The following TENM4 variants were observed in gnomAD, a reference collection of about 807,000 sequenced individuals.
TENM4 encodes the protein teneurin transmembrane protein 4.
A neutral mutation model predicts 243.3 loss-of-function variants in TENM4; 82 were observed. The ratio of observed to expected loss-of-function variants is 0.34; its 90% CI spans 0.28 to 0.40. TENM4 has a LOEUF of 0.40. Ranked by LOEUF, TENM4 falls within the 10% of genes least tolerant of loss-of-function variation. TENM4 has a pLI of 1.00. For missense variants in TENM4, 3,138 were observed against 3,673.3 expected, an observed-to-expected ratio of 0.85 and a Z score of 3.77; for synonymous variants, 1,412 against 1,456.3, an observed-to-expected ratio of 0.97 and a Z score of 0.69.
At chr11:79,051,494 A>G (rs1010169433) in intron 6 of TENM4, among the ~76,000 whole-genome samples, 9 of 152,204 alleles carry the variant, frequency 5.9e-5, no homozygotes, top group Non-Finnish European at 1.0e-4. Context: ...TCATTCACTC[A>G]AGTAGTTCTA....
chr11:78,943,480 A>G (rs996403651), intron 6 of TENM4, among the ~76,000 whole-genome samples: 1 of 152,104 alleles, frequency 6.6e-6, no homozygotes, highest in South Asian at 2.1e-4. Flanking sequence ...GTCCCTTCCT[A>G]CCCTCTGCCC....
intron 2 of TENM4, among the ~76,000 whole-genome samples, chr11:79,271,936 C>T (rs372496861): frequency 1.3e-5 from 2 of 152,232 alleles, no homozygotes; most frequent in Non-Finnish European, 2.9e-5. Flanking sequence ...GTCAGCCACA[C>T]ACACAGAGCT....
intron 19 of TENM4, among the ~76,000 whole-genome samples, chr11:78,751,203 C>G (rs777205830): frequency 1.3e-5 from 2 of 152,186 alleles, no homozygotes; most frequent in Non-Finnish European, 2.9e-5. Context: ...TTTCTCTGCT[C>G]TGTCCCTCGC....
At chr11:79,368,571 T>C (rs1857721498) in intron 1 of TENM4, among the ~76,000 whole-genome samples, 2 of 152,218 alleles carry the variant, frequency 1.3e-5, no homozygotes, top group African/African-American at 4.8e-5. Flanking sequence ...ATCCTAGTGG[T>C]TAAAAGCACA....
intron 4 of TENM4, among the ~76,000 whole-genome samples, chr11:79,123,304 C>A (rs1475321982): frequency 1.3e-5 from 2 of 152,124 alleles, no homozygotes; most frequent in Non-Finnish European, 2.9e-5. Flanking sequence ...CATTTTACAG[C>A]TGAAAATACT....
At chr11:78,673,849 T>C (rs560302935) in intron 30 of TENM4, among the ~76,000 whole-genome samples, 1 of 152,362 alleles carries the variant, frequency 6.6e-6, no homozygotes, top group South Asian at 2.1e-4. Flanking sequence ...ATGCTGACTT[T>C]AGCTGTGAAT....
intron 2 of TENM4, among the ~76,000 whole-genome samples, chr11:79,282,172 T>C (rs1428056454): frequency 6.6e-6 from 1 of 152,210 alleles, no homozygotes; most frequent in African/African-American, 2.4e-5. Flanking sequence ...CTGAAAAGGA[T>C]GTAAAATGAT....
intron 12 of TENM4, among the ~76,000 whole-genome samples, chr11:78,852,766 T>C (rs2136200086): frequency 6.6e-6 from 1 of 152,276 alleles, no homozygotes; most frequent in South Asian, 2.1e-4. Flanking sequence ...GTTTGTTTGT[T>C]TGAGACAGTG....
Position 79,205,382 on chromosome 11 carries a change from G to A in TENM4, c.-163+10426C>T, listed in dbSNP as rs982000256. ...TAAGTTCTATACAATTTTACCACTC[G>A]CATAGGTTTGTGTGTCCATCACCAC... On this transcript the variant is annotated intron_variant, in intron 3 of 33. Transcript: ENST00000278550. Among the ~76,000 whole-genome samples the A allele has an allele frequency of 3.9e-5, 6 of 152,180 alleles. No individual in the cohort carries two copies. The East Asian group carries it at 5.8e-4, about 15-fold the overall frequency.
chr11:78,956,589 G>C (rs1433103012), intron 6 of TENM4, among the ~76,000 whole-genome samples: 1 of 152,214 alleles, frequency 6.6e-6, no homozygotes, highest in Non-Finnish European at 1.5e-5. Context: ...ATGCTGTCTA[G>C]TTTTCAAGTT....
chr11:79,177,108 C>T (rs147668210), intron 3 of TENM4, among the ~76,000 whole-genome samples: 29 of 151,892 alleles, frequency 1.9e-4, no homozygotes, highest in African/African-American at 7.0e-4. Flanking sequence ...TGGCCTAGAA[C>T]AGTTGTTTTA....
intron 6 of TENM4, among the ~76,000 whole-genome samples, chr11:78,945,985 G>C (rs1856995557): frequency 6.6e-6 from 1 of 152,212 alleles, no homozygotes; most frequent in South Asian, 2.1e-4. Flanking sequence ...AAAAGTGCAA[G>C]GTGAAGCAGC....
intron 1 of TENM4, among the ~76,000 whole-genome samples, chr11:79,304,740 G>A (rs1278404109): frequency 6.6e-6 from 1 of 152,140 alleles, no homozygotes; most frequent in African/African-American, 2.4e-5. Context: ...GTATTAACTG[G>A]CCTCCAAAGA....
chr11:79,194,907 C>T (rs1863590102), intron 3 of TENM4, among the ~76,000 whole-genome samples: 1 of 152,144 alleles, frequency 6.6e-6, no homozygotes. Context: ...AGCAGCCCCT[C>T]CCATCACAGC....
chr11:79,322,969 A>G (rs903729065), intron 1 of TENM4, among the ~76,000 whole-genome samples: 1 of 152,198 alleles, frequency 6.6e-6, no homozygotes, highest in Non-Finnish European at 1.5e-5. Flanking sequence ...GGGTGAACAC[A>G]GTTCTGGAGA....
At chr11:79,273,102 C>G (rs1699723815) in intron 2 of TENM4, among the ~76,000 whole-genome samples, 2 of 152,198 alleles carry the variant, frequency 1.3e-5, no homozygotes, top group African/African-American at 4.8e-5. Context: ...TACCGCTTAA[C>G]AAATCTGTGT....
intron 15 of TENM4, among the ~76,000 whole-genome samples, chr11:78,790,899 C>T (rs1857042761): frequency 6.6e-6 from 1 of 152,170 alleles, no homozygotes; most frequent in Non-Finnish European, 1.5e-5. Context: ...TTAGTCTCAC[C>T]CTTCCCATCT....
intron 25 of TENM4, among the ~76,000 whole-genome samples, chr11:78,715,218 A>T (rs1000676696): frequency 6.6e-6 from 1 of 152,212 alleles, no homozygotes; most frequent in Admixed American, 6.5e-5. Context: ...AGCTTCCCAG[A>T]TGACATCAAT....
intron 12 of TENM4, among the ~76,000 whole-genome samples, chr11:78,832,430 G>A: frequency 6.6e-6 from 1 of 152,250 alleles, no homozygotes; most frequent in East Asian, 1.9e-4. Context: ...GCAGCATAGT[G>A]CTTTGCGTAT....
Sources: gnomAD v4.1 joint callset for allele counts (sites outside exome capture counted in the v4.1 genomes callset) on GRCh38, gnomAD v4.1.1 for gene constraint, MANE v1.5 for transcripts, NCBI Gene and HGNC (gene_info 2026-07-23, HGNC 2026-07-21) for gene names.